SLC35F4: variants seen among roughly 807,000 people sequenced by gnomAD.
SLC35F4 encodes solute carrier family 35 member F4, also known as chromosome 14 open reading frame 36.
A neutral mutation model predicts 44.2 loss-of-function variants in SLC35F4; 24 were observed. The observed-to-expected ratio is 0.54, with a 90% CI of 0.39 to 0.76. The LOEUF is 0.76. SLC35F4 is among the 30% of genes least tolerant of loss of function. The pLI is 0.00. For missense variants in SLC35F4, 562 were observed against 586.1 expected (o/e 0.96, Z 0.42); for synonymous variants, 238 against 223.6 (o/e 1.06, Z -0.57).
chr14:57,636,694 T>C (rs906613837), intron 1 of SLC35F4, among the ~76,000 whole-genome samples: 11 of 152,114 alleles, frequency 7.2e-5, no homozygotes, highest in African/African-American at 2.7e-4. Context: ...GCTTGCAGTC[T>C]ACTGATATTT....
At chr14:57,742,935 A>C (rs1434349893) in intron 1 of SLC35F4, among the ~76,000 whole-genome samples, 1 of 152,240 alleles carries the variant, frequency 6.6e-6, no homozygotes, top group Non-Finnish European at 1.5e-5. Context: ...AAACCGTTCA[A>C]CTATATGGAA....
At chr14:57,595,261 C>CTATAT in intron 1 of SLC35F4, among the ~76,000 whole-genome samples, 1 of 152,128 alleles carries the variant, frequency 6.6e-6, no homozygotes, top group East Asian at 1.9e-4. Context: ...TTTTATTTGG[C>CTATAT]TATATTTGGC....
intron 1 of SLC35F4, among the ~76,000 whole-genome samples, chr14:57,864,863 A>G (rs1254907220): frequency 6.6e-6 from 1 of 152,214 alleles, no homozygotes; most frequent in African/African-American, 2.4e-5. Context: ...AGTAGAACTA[A>G]TCCCAGCAAA....
Position 57,700,746 on chromosome 14 carries a change from A to C in SLC35F4, c.104-106622T>G, listed in dbSNP as rs531625009. 1.7e-3 allele frequency among the ~76,000 whole-genome samples: 262 copies of C among 152,098 alleles called. 1 individual carries two copies. The highest frequency in any genetic ancestry group is 6.0e-3 in the African/African-American group (248 of 41,498). On this transcript the variant is annotated intron_variant, in intron 1 of 7. Coordinates refer to ENST00000556826, the MANE Select transcript of SLC35F4 (RefSeq NM_001306087.2). The stretch of plus-strand genomic sequence containing the variant: ...TGGCAAAACTCCATCTCTACAAGAA[A>C]TACAAAAATCTGACCAGGCATAGTG...
At chr14:57,884,255 CCTCAACAGATT>C (rs1888599803) in intron 1 of SLC35F4, among the ~76,000 whole-genome samples, 1 of 152,152 alleles carries the variant, frequency 6.6e-6, no homozygotes, top group Non-Finnish European at 1.5e-5. Context: ...ATCTGTTCTT[CCTCAACAGATT>C]TTGGCTTTTC....
At chr14:57,963,390 G>A (rs1358620764) in intron 1 of SLC35F4, among the ~76,000 whole-genome samples, 2 of 152,152 alleles carry the variant, frequency 1.3e-5, no homozygotes, top group Non-Finnish European at 2.9e-5. Flanking sequence ...AGGACAGGAC[G>A]TGTCTTCAGG....
chr14:57,876,631 T>C (rs905380041), intron 1 of SLC35F4, among the ~76,000 whole-genome samples: 1 of 152,186 alleles, frequency 6.6e-6, no homozygotes, highest in Non-Finnish European at 1.5e-5. Context: ...ATTGAAGAAG[T>C]TGGTTGTGTT....
At chr14:57,867,681 G>A (rs763685164), upstream of SLC35F4, among the ~76,000 whole-genome samples, 1 of 151,500 alleles carries the variant, frequency 6.6e-6, no homozygotes, top group Non-Finnish European at 1.5e-5. Flanking sequence ...TCAAATGCAT[G>A]TATTGCACAT....
At chr14:57,935,532 T>A (rs889267833) in intron 1 of SLC35F4, among the ~76,000 whole-genome samples, 1 of 152,214 alleles carries the variant, frequency 6.6e-6, no homozygotes, top group East Asian at 1.9e-4. Context: ...GTTACAAATC[T>A]TCTGAACTAT....
chr14:57,594,050 G>A lies in SLC35F4; in HGVS notation c.178C>T (p.Gln60Ter). 1 of 1,613,922 alleles carries A rather than the reference G, an allele frequency of 6.2e-7. No individual in the cohort carries two copies. Among genetic ancestry groups the A allele is most frequent in the Non-Finnish European group, 8.5e-7 (1 of 1,179,872 alleles). The change falls in exon 2 of 8, where the codon CAA becomes TAA. Residue 60 changes from glutamine to a stop codon, truncating the protein, a stop_gained. Transcript: ENST00000556826. LOFTEE classifies it high-confidence loss of function. ...TCGGTGACAGACAGTGGGGACAGTT[G>A]TCTACTGATGCCACTGTGTGAACTG... The part of the protein sequence containing the change: ...CPSSHSGISR[Q>*]LSPLSVTEDS...
chr14:57,586,317 A>G (rs1427501170), intron 3 of SLC35F4, among the ~76,000 whole-genome samples: 6 of 152,230 alleles, frequency 3.9e-5, no homozygotes, highest in African/African-American at 1.4e-4. Flanking sequence ...CACCTTATAC[A>G]AAAATTAACT....
At chr14:57,719,415 T>A (rs532141513) in intron 1 of SLC35F4, among the ~76,000 whole-genome samples, 111 of 152,352 alleles carry the variant, frequency 7.3e-4, no homozygotes, top group African/African-American at 2.6e-3. Context: ...TTGGGTAGTA[T>A]GGACATTTTA....
chr14:57,682,926 A>T (rs1428002612), intron 1 of SLC35F4, among the ~76,000 whole-genome samples: 1 of 152,198 alleles, frequency 6.6e-6, no homozygotes, highest in Non-Finnish European at 1.5e-5. Context: ...CAACAGTCCA[A>T]ACACTTCATT....
intron 1 of SLC35F4, among the ~76,000 whole-genome samples, chr14:57,649,921 C>A (rs545443173): frequency 6.6e-6 from 1 of 152,236 alleles, no homozygotes; most frequent in South Asian, 2.1e-4. Context: ...CAGATATGCA[C>A]CCCATGTCTC....
intron 1 of SLC35F4, among the ~76,000 whole-genome samples, chr14:57,707,870 G>T (rs1470450994): frequency 2.6e-5 from 4 of 152,180 alleles, no homozygotes; most frequent in Non-Finnish European, 5.9e-5. Flanking sequence ...ACTTTAAGCT[G>T]TCCTTGTTCA....
At chr14:57,967,078 A>G (rs1471504724) in intron 1 of SLC35F4, among the ~76,000 whole-genome samples, 1 of 152,122 alleles carries the variant, frequency 6.6e-6, no homozygotes, top group East Asian at 1.9e-4. Flanking sequence ...TACTCAGAAT[A>G]AAAAAGAACA....
intron 1 of SLC35F4, among the ~76,000 whole-genome samples, chr14:57,659,116 T>G (rs1470879462): frequency 6.6e-6 from 1 of 152,172 alleles, no homozygotes; most frequent in East Asian, 1.9e-4. Flanking sequence ...AGTTTTCTAC[T>G]TTCTCAGGCG....
At chr14:57,744,784 A>G (rs1463221428) in intron 1 of SLC35F4, among the ~76,000 whole-genome samples, 1 of 152,168 alleles carries the variant, frequency 6.6e-6, no homozygotes, top group African/African-American at 2.4e-5. Context: ...CATTGCCAAG[A>G]CAATCCTAAG....
intron 1 of SLC35F4, among the ~76,000 whole-genome samples, chr14:57,651,801 G>A (rs2073794317): frequency 6.6e-6 from 1 of 152,178 alleles, no homozygotes; most frequent in Admixed American, 6.5e-5. Flanking sequence ...GGAGGGAGCA[G>A]AGGGGCGTGA....
Sources: gnomAD v4.1 joint callset for allele counts (sites outside exome capture counted in the v4.1 genomes callset) on GRCh38, gnomAD v4.1.1 for gene constraint, MANE v1.5 for transcripts, NCBI Gene and HGNC (gene_info 2026-07-23, HGNC 2026-07-21) for gene names.